The following DAPK2 variants were observed in gnomAD, a reference collection of about 807,000 sequenced individuals.
DAPK2 encodes death associated protein kinase 2.
In DAPK2, 35 loss-of-function variants were observed where a neutral mutation model predicts 44.1. The ratio of observed to expected loss-of-function variants is 0.79; its 90% CI spans 0.61 to 1.05. The LOEUF is 1.05. DAPK2 is among the 50% of genes least tolerant of loss of function. The pLI is 0.00. For missense variants in DAPK2, 453 were observed against 483.2 expected (o/e 0.94, Z 0.59); for synonymous variants, 174 against 182.6 (o/e 0.95, Z 0.38).
chr15:64,038,533 C>A (rs1204569885), intron 1 of DAPK2, among the ~76,000 whole-genome samples: 2 of 152,172 alleles, frequency 1.3e-5, no homozygotes, highest in African/African-American at 4.8e-5. Context: ...TGGGAAAAGT[C>A]ATTCCCCTCT....
chr15:63,971,587 G>GAGGCCC (rs757630020), intron 2 of DAPK2, 26 bp from the exon 4 acceptor site: 3 of 1,612,130 alleles, frequency 1.9e-6, no homozygotes, highest in South Asian at 1.1e-5. Context: ...GGGGGGAGGG[G>GAGGCCC]AGGCCCAGGC....
At chr15:64,006,108 C>T (rs2079222336) in intron 1 of DAPK2, among the ~76,000 whole-genome samples, 1 of 151,406 alleles carries the variant, frequency 6.6e-6, no homozygotes, top group Admixed American at 6.6e-5. Flanking sequence ...CAGCATGGTT[C>T]TCCCTATGGC....
intron 1 of DAPK2, among the ~76,000 whole-genome samples, chr15:63,988,677 T>C (rs535076295): frequency 6.6e-6 from 1 of 151,796 alleles, no homozygotes; most frequent in African/African-American, 2.4e-5. Context: ...CTAATTTTTT[T>C]CTATTTTTAG....
intron 3 of DAPK2, among the ~76,000 whole-genome samples, chr15:63,955,542 A>C (rs2077699862): frequency 6.6e-6 from 1 of 152,028 alleles, no homozygotes; most frequent in Non-Finnish European, 1.5e-5. Context: ...GCATAGTTTG[A>C]GTAGGATTGG....
rs2078211984 is a variant in DAPK2, at chr15:63,971,567, A to G, written c.315-6T>C. The G allele has an allele frequency of 1.1e-5, 18 of 1,613,854 alleles. No homozygotes were observed. The highest frequency in any genetic ancestry group is 1.5e-5 in the Non-Finnish European group (18 of 1,179,876). On this transcript the variant is annotated splice_polypyrimidine_tract_variant and splice_region_variant and intron_variant, in intron 2 of 10. Coordinates refer to ENST00000261891, the Ensembl canonical transcript of DAPK2. ...AGAGCTCTCCTCCAGACACTCTGTAAAACACCAGCGGGGGGAGGGGAGGCC... is the reference window on the plus strand; with the variant it reads ...AGAGCTCTCCTCCAGACACTCTGTAGAACACCAGCGGGGGGAGGGGAGGCC...
chr15:63,908,952 C>T lies in DAPK2; in HGVS notation c.1033-352G>A, dbSNP rs563676787. 127 of 162,440 alleles carry T rather than the reference C, an allele frequency of 7.8e-4. No individual in the cohort carries two copies. Among genetic ancestry groups the T allele is most frequent in the African/African-American group, 2.9e-3 (122 of 41,856 alleles). 10.1% of individuals were successfully genotyped at this position (162,440 alleles called of 1,614,324 possible). A position where few individuals can be genotyped will look rare whatever the true frequency, so the allele number is the denominator to read the frequency against. On this transcript the variant is annotated intron_variant, in intron 10 of 10. Transcript: ENST00000261891. The surrounding 1 kb of genome is among the most constrained non-coding windows in gnomAD (Gnocchi z 5.7). Reference sequence around the variant, plus strand: ...CTGTGGCTGCTGGGTCTCCTGAGCTCAGCCTAGAGAGACTGGAGGATGGGT... The same window carrying T: ...CTGTGGCTGCTGGGTCTCCTGAGCTTAGCCTAGAGAGACTGGAGGATGGGT...
intron 3 of DAPK2, among the ~76,000 whole-genome samples, chr15:63,956,268 G>A (rs1207770859): frequency 1.3e-5 from 2 of 151,860 alleles, no homozygotes; most frequent in East Asian, 3.9e-4. Flanking sequence ...CTTTTGTATT[G>A]TTTTCTTCAT....
In DAPK2 at chr15:63,938,717, A is replaced by C. The variant is rs28694267; in HGVS notation, c.583+515T>G. Reference sequence around the variant, plus strand: ...AGGGGCCTGGGCCAAGGGTGACAGAAACAGAGGGAAGAGGAAGCAGCCAGG... The same window carrying C: ...AGGGGCCTGGGCCAAGGGTGACAGACACAGAGGGAAGAGGAAGCAGCCAGG... On this transcript the variant is annotated intron_variant, in intron 4 of 10. Coordinates refer to ENST00000261891, the Ensembl canonical transcript of DAPK2. 4.4e-3 allele frequency among the ~76,000 whole-genome samples: 676 copies of C among 152,332 alleles called. 6 individuals are homozygous for C. The highest frequency in any genetic ancestry group is 0.015 in the African/African-American group (638 of 41,574).
chr15:63,925,942 G>C, exon 7 of DAPK2: 1 of 1,614,062 alleles, frequency 6.2e-7, no homozygotes, highest in Non-Finnish European at 8.5e-7. Context: ...TCCTCTTACC[G>C]GGTCTCTTTA....
At chr15:63,935,872 A>C (rs532883002) in intron 4 of DAPK2, 1 of 151,932 alleles carries the variant, frequency 6.6e-6, no homozygotes, top group East Asian at 1.9e-4. Context: ...CAATTCTTCA[A>C]CTCTCTCCTT....
chr15:63,968,621 C>A (rs2078121036), intron 3 of DAPK2, among the ~76,000 whole-genome samples: 1 of 152,240 alleles, frequency 6.6e-6, no homozygotes, highest in African/African-American at 2.4e-5. Flanking sequence ...GCTACTATTA[C>A]CGAGCACCTA....
At chr15:63,967,237 T>G (rs2078079131) in intron 3 of DAPK2, among the ~76,000 whole-genome samples, 1 of 152,160 alleles carries the variant, frequency 6.6e-6, no homozygotes, top group Non-Finnish European at 1.5e-5. Context: ...TTCTGTGACC[T>G]CTCACCTGGT....
chr15:63,949,986 C>T lies in DAPK2; in HGVS notation c.454-10625G>A, dbSNP rs376008966. On this transcript the variant is annotated intron_variant, in intron 3 of 10. Coordinates refer to ENST00000261891, the Ensembl canonical transcript of DAPK2. ...GTTTTGAGGGAAAAAGACTTCCATG[C>T]TGTGACTGCTGATAGAAACTCTTTG... 3.3e-5 allele frequency among the ~76,000 whole-genome samples: 5 copies of T among 152,348 alleles called. No individual in the cohort carries two copies. In the South Asian group the frequency reaches 8.3e-4, roughly 25 times the overall value.
At position 64,036,273 on chromosome 15, in the gene DAPK2, ATGTG is replaced by A. The variant is rs1214937871; in HGVS notation, c.92+3893_92+3896del. Among the ~76,000 whole-genome samples, 177 of 44,006 alleles carry A rather than the reference ATGTG, an allele frequency of 4.0e-3. 2 individuals carry two copies. The highest frequency in any genetic ancestry group is 9.1e-3 in the African/African-American group (168 of 18,436). 28.9% of individuals were successfully genotyped at this position (44,006 alleles called of 152,430 possible). A position where few individuals can be genotyped will look rare whatever the true frequency, so the allele number is the denominator to read the frequency against. On this transcript the variant is annotated intron_variant, in intron 1 of 10. Coordinates refer to ENST00000261891, the Ensembl canonical transcript of DAPK2. ...AAACTCCATCTCAAAATATATATATATGTGTGTGTGTGTGTGTGTGTGTGTGTGT... is the reference window on the plus strand; with the variant it reads ...AAACTCCATCTCAAAATATATATATATGTGTGTGTGTGTGTGTGTGTGTGT...
intron 1 of DAPK2, among the ~76,000 whole-genome samples, chr15:64,027,973 A>G (rs953316980): frequency 1.3e-5 from 2 of 152,218 alleles, no homozygotes; most frequent in African/African-American, 4.8e-5. Context: ...GGGGAAAGTT[A>G]CCTGAATTGG....
Position 64,020,337 on chromosome 15 carries a change from T to TGGGG in DAPK2, c.92+19829_92+19832dup, listed in dbSNP as rs1567278268. Among the ~76,000 whole-genome samples, 1 of 152,186 alleles carries TGGGG rather than the reference T, an allele frequency of 6.6e-6. No individual in the cohort carries two copies. The highest frequency in any genetic ancestry group is 6.5e-5 in the Admixed American group (1 of 15,284). ...CATGAAGAAACAGCTGAGAAGGCAGTGGGGGATAGAACCCATTTCATCAGG... is the reference window on the plus strand; with the variant it reads ...CATGAAGAAACAGCTGAGAAGGCAGTGGGGGGGGGATAGAACCCATTTCATCAGG... On this transcript the variant is annotated intron_variant, in intron 1 of 10. Coordinates refer to ENST00000261891, the Ensembl canonical transcript of DAPK2. This position sits in a 1 kb window ranked among gnomAD's most constrained non-coding sequence, Gnocchi z 4.5.
At chr15:63,945,152 A>T (rs1161855345) in intron 3 of DAPK2, among the ~76,000 whole-genome samples, 1 of 152,136 alleles carries the variant, frequency 6.6e-6, no homozygotes, top group Non-Finnish European at 1.5e-5. Flanking sequence ...GACATGAGCC[A>T]CCCTGACCAC....
In DAPK2 at chr15:63,912,194, C is replaced by T. The variant is rs747614906; in HGVS notation, c.862G>A (p.Val288Met). 1.2e-6 allele frequency: 2 copies of T among 1,614,024 alleles called. No homozygotes were observed. The highest frequency in any genetic ancestry group is 1.7e-5 in the Admixed American group (1 of 60,016). The change falls in exon 9 of 11, where the codon GTG becomes ATG. Residue 288 changes from valine (V) to methionine (M), a missense_variant. Val to Met is a conservative substitution (Grantham distance 21). Coordinates refer to ENST00000261891, the Ensembl canonical transcript of DAPK2. This position sits in a 1 kb window ranked among gnomAD's most constrained non-coding sequence, Gnocchi z 4.4. ...CGCACCATGGCTTGCTGGTTGTCCACCGGCTGAGAGACAAAGCAGAGCATG... is the reference window on the plus strand; with the variant it reads ...CGCACCATGGCTTGCTGGTTGTCCATCGGCTGAGAGACAAAGCAGAGCATG...
intron 2 of DAPK2, among the ~76,000 whole-genome samples, chr15:63,972,941 C>T (rs558112274): frequency 2.0e-5 from 3 of 152,270 alleles, no homozygotes; most frequent in African/African-American, 4.8e-5. Context: ...GATTAGTCAG[C>T]CATCTAAACA....
Sources: allele counts gnomAD v4.1 joint callset (sites outside exome capture counted in the v4.1 genomes callset), GRCh38; gene constraint gnomAD v4.1.1; non-coding constraint Gnocchi (gnomAD v3.1); transcripts MANE v1.5; gene names NCBI Gene and HGNC (gene_info 2026-07-23, HGNC 2026-07-21).